Variants in TMEM67 observed in about 807,000 individuals in gnomAD.
TMEM67 encodes transmembrane protein 67.
In TMEM67, 124 loss-of-function variants were observed where a neutral mutation model predicts 136.6. The ratio of observed to expected loss-of-function variants is 0.91; its 90% CI spans 0.78 to 1.05. The LOEUF is 1.05. Ranked by LOEUF, TMEM67 falls within the 50% of genes least tolerant of loss-of-function variation. TMEM67 has a pLI of 0.00. For missense variants in TMEM67, 1,107 were observed against 1,178.4 expected, an observed-to-expected ratio of 0.94 and a Z score of 0.89; for synonymous variants, 364 against 390.5, an observed-to-expected ratio of 0.93 and a Z score of 0.80.
intron 6 of TMEM67, among the ~76,000 whole-genome samples, chr8:93,766,242 G>A (rs1446631054): frequency 6.6e-6 from 1 of 152,010 alleles, no homozygotes; most frequent in East Asian, 1.9e-4. Flanking sequence ...TCCTGCCTCA[G>A]CGAGTAGCTG....
At position 93,763,636 on chromosome 8, in the gene TMEM67, T is replaced by C. The variant is rs115003212; in HGVS notation, c.407-206T>C. On this transcript the variant is annotated intron_variant, in intron 3 of 27. Coordinates refer to ENST00000453321, the MANE Select transcript of TMEM67 (RefSeq NM_153704.6). ...AATAGGGAAGGCATCACTTCTCTTT[T>C]TTTTTGGAGGCATGGACGGGTACGA... 0.01 allele frequency among the ~76,000 whole-genome samples: 1,570 copies of C among 152,318 alleles called. 17 individuals are homozygous for C. Among genetic ancestry groups the C allele is most frequent in the African/African-American group, 0.036 (1,476 of 41,564 alleles).
At chr8:93,797,916 A>T (rs1372906463) in intron 20 of TMEM67, among the ~76,000 whole-genome samples, 1 of 152,216 alleles carries the variant, frequency 6.6e-6, no homozygotes, top group Non-Finnish European at 1.5e-5. Flanking sequence ...CGGGAGGCGG[A>T]GGTTACAGTG....
chr8:93,804,945 GT>G (rs1815070180), intron 23 of TMEM67, 67 bp downstream of exon 23: 3 of 937,760 alleles, frequency 3.2e-6, no homozygotes, highest in African/African-American at 3.3e-5. Flanking sequence ...TGCTGGATTT[GT>G]TTTAAAAAAA....
chr8:93,766,156 C>T (rs1479600414), intron 6 of TMEM67, among the ~76,000 whole-genome samples: 2 of 152,048 alleles, frequency 1.3e-5, no homozygotes, highest in Non-Finnish European at 2.9e-5. Flanking sequence ...TGGAGTCTCG[C>T]TCTGTTGCCC....
rs1245885142 is a variant in TMEM67, at chr8:93,785,347, T to G, written c.1257T>G (p.Asn419Lys). The change falls in exon 12 of 28, where the codon AAT becomes AAG. Residue 419 changes from asparagine to lysine, a missense_variant. Physicochemically the swap from Asn to Lys is moderately conservative, Grantham distance 94. This residue lies in a region of TMEM67 where 925 missense variants were observed against 1,002.4 expected (regional missense o/e 0.92). Transcript: ENST00000453321. ...YILAVPVLNL[N>K]LQHNKIFVNQ... ...TGGCTGTGCCTGTGTTAAACCTAAA[T>G]CTTCAACATAATAAGATATTTGTGA... 2.5e-6 allele frequency: 4 copies of G among 1,612,228 alleles called. No homozygotes were observed. The highest frequency in any genetic ancestry group is 3.4e-6 in the Non-Finnish European group (4 of 1,178,792).
At chr8:93,754,859 G>A (rs1390968127), upstream of TMEM67, 1 of 1,550,440 alleles carries the variant, frequency 6.4e-7, no homozygotes, top group Non-Finnish European at 8.9e-7. Context: ...GCTCAGCGAA[G>A]CCGCCGCAGA....
At chr8:93,768,346 T>C (rs1813173658) in intron 6 of TMEM67, among the ~76,000 whole-genome samples, 1 of 151,812 alleles carries the variant, frequency 6.6e-6, no homozygotes, top group African/African-American at 2.4e-5. Context: ...GCGTGGTGGC[T>C]CACACCTGTA....
intron 20 of TMEM67, among the ~76,000 whole-genome samples, chr8:93,798,325 T>C (rs1814712007): frequency 6.6e-6 from 1 of 152,220 alleles, no homozygotes; most frequent in South Asian, 2.1e-4. Flanking sequence ...CAGGTATCTA[T>C]ATTTTGAAAA....
intron 15 of TMEM67, among the ~76,000 whole-genome samples, chr8:93,792,989 T>G (rs1161853381): frequency 6.6e-6 from 1 of 151,958 alleles, no homozygotes; most frequent in African/African-American, 2.4e-5. Flanking sequence ...GCCAGGATGG[T>G]CTTGATCTCC....
intron 7 of TMEM67, 52 bp downstream of exon 7, chr8:93,772,703 A>G: frequency 7.3e-7 from 1 of 1,367,604 alleles, no homozygotes; most frequent in Non-Finnish European, 1.0e-6. Context: ...GAATTATACC[A>G]TTTATTTACC....
intron 22 of TMEM67, 98 bp from the exon 23 acceptor site, chr8:93,804,664 A>C: frequency 2.9e-6 from 2 of 682,258 alleles, no homozygotes; most frequent in Non-Finnish European, 5.3e-6. Context: ...TACAATCTTC[A>C]TTATTTTGGG....
At chr8:93,774,665 A>G (rs947444689) in intron 7 of TMEM67, among the ~76,000 whole-genome samples, 1 of 152,166 alleles carries the variant, frequency 6.6e-6, no homozygotes, top group Non-Finnish European at 1.5e-5. Context: ...AGCTTCATCC[A>G]TGTCCCTGCA....
intron 1 of TMEM67, among the ~76,000 whole-genome samples, chr8:93,755,421 C>T (rs528540716): frequency 1.3e-5 from 2 of 152,312 alleles, no homozygotes; most frequent in African/African-American, 4.8e-5. Flanking sequence ...ATGGTAGCAG[C>T]ATAATACCAG....
intron 21 of TMEM67, among the ~76,000 whole-genome samples, chr8:93,803,287 A>T (rs533421052): frequency 6.6e-6 from 1 of 152,198 alleles, no homozygotes; most frequent in Non-Finnish European, 1.5e-5. Context: ...AAATCTGACC[A>T]TCGATGCATT....
intron 7 of TMEM67, among the ~76,000 whole-genome samples, chr8:93,778,159 G>C (rs546060358): frequency 6.6e-6 from 1 of 152,270 alleles, no homozygotes; most frequent in African/African-American, 2.4e-5. Flanking sequence ...TATTTTATCA[G>C]AGACTAGGAT....
intron 6 of TMEM67, among the ~76,000 whole-genome samples, chr8:93,769,154 A>G (rs1217863783): frequency 6.6e-6 from 1 of 151,808 alleles, no homozygotes; most frequent in Non-Finnish European, 1.5e-5. Context: ...CAGAACCAAC[A>G]CTGGCGCGGG....
intron 6 of TMEM67, among the ~76,000 whole-genome samples, chr8:93,766,405 A>C (rs575752187): frequency 2.0e-5 from 3 of 152,186 alleles, no homozygotes; most frequent in Admixed American, 6.5e-5. Context: ...TGCATGAGCC[A>C]CTGCGCCCAG....
rs776690679 is a variant in TMEM67, at chr8:93,808,992, A to G, written c.2556+36A>G. 1.1e-5 allele frequency: 17 copies of G among 1,528,184 alleles called. 1 individual carries two copies. In the South Asian group the frequency reaches 1.7e-4, roughly 15 times the overall value. The allele number at this position is 1,528,184 out of a possible 1,614,324, so 94.7% of individuals were successfully genotyped here. On this transcript the variant is annotated intron_variant, in intron 24 of 27. Coordinates refer to ENST00000453321, the MANE Select transcript of TMEM67 (RefSeq NM_153704.6). ...AGTACAGTTCAGATATATTCTGTCA[A>G]TATTTCATGTTTTTTAGATACCAAG...
intron 7 of TMEM67, among the ~76,000 whole-genome samples, chr8:93,774,152 C>T (rs528032334): frequency 6.6e-6 from 1 of 151,862 alleles, no homozygotes; most frequent in Non-Finnish European, 1.5e-5. Flanking sequence ...GTAGCTAGGA[C>T]TACAGGGGCA....
Sources: allele counts gnomAD v4.1 joint callset (sites outside exome capture counted in the v4.1 genomes callset), GRCh38; gene constraint gnomAD v4.1.1; regional missense constraint gnomAD v4.1.1; transcripts MANE v1.5; gene names NCBI Gene and HGNC (gene_info 2026-07-23, HGNC 2026-07-21).